GMDS: variants seen among roughly 807,000 people sequenced by gnomAD.
GMDS encodes GDP-mannose 4,6 dehydratase.
GMDS carries 20 observed loss-of-function variants against 49.9 expected under a neutral mutation model. The observed-to-expected ratio is 0.40, with a 90% CI of 0.28 to 0.58. The LOEUF (loss-of-function observed/expected upper bound fraction) is 0.58. Ranked by LOEUF, GMDS falls within the 20% of genes least tolerant of loss-of-function variation. GMDS has a pLI of 0.42. For missense variants in GMDS, 362 were observed against 481.4 expected (o/e 0.75, Z 2.32); for synonymous variants, 177 against 178.6 (o/e 0.99, Z 0.07).
chr6:2,065,310 A>G (rs2127452308), intron 4 of GMDS, among the ~76,000 whole-genome samples: 1 of 152,336 alleles, frequency 6.6e-6, no homozygotes. Context: ...AGATAAAACC[A>G]CAAAGACGGG....
intron 7 of GMDS, among the ~76,000 whole-genome samples, chr6:1,878,262 C>T (rs1224753875): frequency 6.9e-6 from 1 of 145,094 alleles, no homozygotes; most frequent in Non-Finnish European, 1.5e-5. Context: ...TTGCAGTGAG[C>T]CGAGATTGCA....
In GMDS at chr6:2,132,973, A is replaced by C. The variant is rs180918054; in HGVS notation, c.103-8242T>G. On this transcript the variant is annotated intron_variant, in intron 1 of 10. Transcript: ENST00000380815. The stretch of plus-strand genomic sequence containing the variant: ...TTGCAGTAAATAGCTACACATATTA[A>C]AAAATTAAAACTGATGAAAAATAAA... 5.7e-3 allele frequency among the ~76,000 whole-genome samples: 863 copies of C among 152,324 alleles called. 2 individuals are homozygous for C. The highest frequency in any genetic ancestry group is 0.017 in the Middle Eastern group (5 of 294).
At chr6:1,874,596 AAG>A (rs1561858638) in intron 7 of GMDS, among the ~76,000 whole-genome samples, 1 of 152,210 alleles carries the variant, frequency 6.6e-6, no homozygotes, top group Non-Finnish European at 1.5e-5. Context: ...ATGCTCTTAT[AAG>A]AGTTATATGT....
chr6:1,671,911 C>A (rs544651584), intron 9 of GMDS, among the ~76,000 whole-genome samples: 4 of 152,130 alleles, frequency 2.6e-5, no homozygotes, highest in Non-Finnish European at 5.9e-5. Flanking sequence ...GATCTGCCCA[C>A]CTTGGCTTCC....
intron 4 of GMDS, among the ~76,000 whole-genome samples, chr6:2,094,333 T>A (rs1444455478): frequency 6.6e-6 from 1 of 152,248 alleles, no homozygotes. Context: ...TTAACAAAGA[T>A]AAATCTAAAG....
chr6:1,861,411 G>A (rs1171228512), intron 7 of GMDS, among the ~76,000 whole-genome samples: 1 of 152,220 alleles, frequency 6.6e-6, no homozygotes, highest in Middle Eastern at 3.2e-3. Flanking sequence ...GTGTGGTGCA[G>A]CTGGGGATGG....
intron 1 of GMDS, among the ~76,000 whole-genome samples, chr6:2,225,797 C>A (rs533772368): frequency 6.6e-6 from 1 of 152,282 alleles, no homozygotes; most frequent in East Asian, 1.9e-4. Context: ...TGGACCATGA[C>A]CTACAAACAA....
At chr6:1,737,292 T>C (rs1302304935) in intron 8 of GMDS, among the ~76,000 whole-genome samples, 1 of 152,180 alleles carries the variant, frequency 6.6e-6, no homozygotes, top group Non-Finnish European at 1.5e-5. Context: ...CTCTTACAAC[T>C]CTCTTCTCAA....
At position 2,089,030 on chromosome 6, in the gene GMDS, C is replaced by T. The variant is rs190436745; in HGVS notation, c.345+26741G>A. Among the ~76,000 whole-genome samples, 8 of 152,190 alleles carry T rather than the reference C, an allele frequency of 5.3e-5. No homozygotes were observed. The East Asian group carries it at 7.7e-4, about 15-fold the overall frequency. On this transcript the variant is annotated intron_variant, in intron 4 of 10. Coordinates refer to ENST00000380815, the MANE Select transcript of GMDS (RefSeq NM_001500.4). ...CAGCTATTATGTGTAAATCACTACA[C>T]GAAAAGCCAATGGTAATACTAAAAC... is the stretch of plus-strand genomic sequence containing the variant.
chr6:2,059,725 A>AAAAAAAAAAAC (rs1771023894), intron 4 of GMDS, among the ~76,000 whole-genome samples: 1 of 140,744 alleles, frequency 7.1e-6, no homozygotes, highest in Non-Finnish European at 1.5e-5. Context: ...AAAAAAAAAA[A>AAAAAAAAAAAC]AATGCACTAC....
intron 9 of GMDS, among the ~76,000 whole-genome samples, chr6:1,716,359 C>CA (rs1766176313): frequency 6.7e-6 from 1 of 148,288 alleles, no homozygotes; most frequent in African/African-American, 2.6e-5. Context: ...TGAGGAGACA[C>CA]TCTTCCAGAA....
At chr6:2,045,194 C>T (rs1769926726) in intron 4 of GMDS, among the ~76,000 whole-genome samples, 1 of 151,822 alleles carries the variant, frequency 6.6e-6, no homozygotes, top group Non-Finnish European at 1.5e-5. Flanking sequence ...GTTAAAAAGT[C>T]TTAAATTTAA....
chr6:2,006,935 G>A (rs1231420676), intron 4 of GMDS, among the ~76,000 whole-genome samples: 1 of 152,198 alleles, frequency 6.6e-6, no homozygotes, highest in Non-Finnish European at 1.5e-5. Flanking sequence ...CTTAGTAAAT[G>A]CTTATGCAGA....
chr6:1,791,945 C>A (rs1769559904), intron 7 of GMDS, among the ~76,000 whole-genome samples: 1 of 152,098 alleles, frequency 6.6e-6, no homozygotes, highest in Non-Finnish European at 1.5e-5. Flanking sequence ...TCTTCAGAGT[C>A]CCCTTTCAAT....
chr6:2,187,905 C>G (rs539289832), intron 1 of GMDS, among the ~76,000 whole-genome samples: 4 of 152,330 alleles, frequency 2.6e-5, no homozygotes, highest in African/African-American at 9.6e-5. Flanking sequence ...AATCACTATT[C>G]AATTCTTGCC....
At chr6:1,993,901 C>T (rs575656183) in intron 4 of GMDS, among the ~76,000 whole-genome samples, 13 of 152,310 alleles carry the variant, frequency 8.5e-5, no homozygotes, top group Middle Eastern at 6.8e-3. Flanking sequence ...TGCCACGGGA[C>T]GGTGATGAGA....
chr6:2,018,489 T>C (rs1289471787), intron 4 of GMDS, among the ~76,000 whole-genome samples: 1 of 152,204 alleles, frequency 6.6e-6, no homozygotes, highest in East Asian at 1.9e-4. Context: ...TAGCAGTCAC[T>C]GGCCATTTGT....
chr6:2,027,434 G>A (rs1222688249), intron 4 of GMDS, among the ~76,000 whole-genome samples: 2 of 152,148 alleles, frequency 1.3e-5, no homozygotes, highest in African/African-American at 4.8e-5. Context: ...TTATTTTAAA[G>A]CAGGGAATTT....
chr6:1,887,151 T>C (rs887063843), intron 7 of GMDS, among the ~76,000 whole-genome samples: 1 of 152,206 alleles, frequency 6.6e-6, no homozygotes, highest in Non-Finnish European at 1.5e-5. Context: ...TTAGCAGCTA[T>C]ATATATTATT....
Sources: allele counts gnomAD v4.1 joint callset (sites outside exome capture counted in the v4.1 genomes callset), GRCh38; gene constraint gnomAD v4.1.1; transcripts MANE v1.5; gene names NCBI Gene and HGNC (gene_info 2026-07-23, HGNC 2026-07-21).